PDIA2: variants seen among roughly 807,000 people sequenced by gnomAD.
The protein encoded by PDIA2 is protein disulfide-isomerase A2.
Under a neutral mutation model 51.1 loss-of-function variants are expected in PDIA2, and 76 were observed. The ratio of observed to expected loss-of-function variants is 1.49; its 90% CI spans 1.24 to 1.80. The LOEUF (loss-of-function observed/expected upper bound fraction) is 1.80, where lower values mean the gene tolerates loss of function less well. Among genes scored for constraint, PDIA2 ranks in the 40% most tolerant of loss-of-function variants. The probability of loss-of-function intolerance (pLI) is 0.00; values close to 1 mark genes in which losing one functional copy is unlikely to be tolerated. For missense variants in PDIA2, 946 were observed against 706.5 expected (o/e 1.34, Z -3.84); for synonymous variants, 429 against 309.9 (o/e 1.38, Z -4.04).
chr16:284,616 G>A, intron 2 of PDIA2, 23 bp downstream of exon 2: 1 of 1,607,492 alleles, frequency 6.2e-7, no homozygotes, highest in Non-Finnish European at 8.5e-7. Context: ...CCGGTCATTG[G>A]GGGGGCGGTG....
intron 10 of PDIA2, 45 bp downstream of exon 10, chr16:286,990 C>G: frequency 1.2e-6 from 2 of 1,611,354 alleles, no homozygotes; most frequent in Middle Eastern, 1.7e-4. Context: ...CACAAATCCT[C>G]TTTACACAGG....
At position 285,612 on chromosome 16, in the gene PDIA2, C is replaced by G; in HGVS notation, c.1028C>G (p.Thr343Ser). 6.2e-7 allele frequency: 1 copy of G among 1,613,386 alleles called. No individual in the cohort carries two copies. The highest frequency in any genetic ancestry group is 1.3e-5 in the African/African-American group (1 of 75,006). ...ACTCTGCGCTTGGTCAACCTTGAAA[C>G]CACTAAGAAGTATGCGCCTGTGGAT... ...APTLRLVNLE[T>S]TKKYAPVDGG... The change falls in exon 7 of 11, where the codon ACC becomes AGC. Residue 343 changes from threonine to serine, a missense_variant. Transcript: ENST00000219406.
rs1040675775 is a variant in PDIA2 at position 287,174 on chromosome 16, G to C, written c.*61G>C. 5.6e-6 allele frequency: 9 copies of C among 1,599,104 alleles called. No individual in the cohort carries two copies. Among genetic ancestry groups the C allele is most frequent in the Non-Finnish European group, 7.7e-6 (9 of 1,168,198 alleles). ...AGGAGCCACCCCCTTGGGTACCAGAGGGAGCTGTGCATTGTGAATAAAGAG... is the reference window on the plus strand; with the variant it reads ...AGGAGCCACCCCCTTGGGTACCAGACGGAGCTGTGCATTGTGAATAAAGAG... On this transcript the variant is annotated 3_prime_UTR_variant, in exon 11 of 11. Coordinates refer to ENST00000219406, the MANE Select transcript of PDIA2 (RefSeq NM_006849.4).
At chr16:285,983 T>TCCCAAC (rs1461820094) in intron 7 of PDIA2, among the ~76,000 whole-genome samples, 50 of 16,792 alleles carry the variant, frequency 3.0e-3, no homozygotes, top group African/African-American at 9.4e-3. Context: ...CCCGCGGTTC[T>TCCCAAC]CCCAACCCCG....
Position 286,863 on chromosome 16 carries a change from T to C in PDIA2, c.1451T>C (p.Leu484Pro), listed in dbSNP as rs753512209. ...KVIEYKSTRD[L>P]ETFSKFLDNG... The stretch of plus-strand genomic sequence containing the variant: ...ATTGAATACAAAAGCACCAGGGACC[T>C]GGAGACTTTCTCCAAGTTCCTGGAC... The change falls in exon 10 of 11, where the codon CTG (leucine) becomes CCG (proline). Residue 484 changes from leucine to proline, a missense_variant. Transcript: ENST00000219406. 6.2e-7 allele frequency: 1 copy of C among 1,608,576 alleles called. No individual in the cohort carries two copies. The highest frequency in any genetic ancestry group is 1.1e-5 in the South Asian group (1 of 90,576).
intron 1 of PDIA2, chr16:284,115 G>A (rs537582373): frequency 1.2e-4 from 66 of 528,594 alleles, no homozygotes; most frequent in Middle Eastern, 5.1e-4. Flanking sequence ...TGATATGCCC[G>A]CCTCTGCCTC....
rs557036404 is a variant in PDIA2 at position 285,707 on chromosome 16, C to T, written c.1119+4C>T. The T allele has an allele frequency of 7.1e-5, 115 of 1,612,100 alleles. 2 individuals carry two copies. Among genetic ancestry groups the T allele is most frequent in the South Asian group, 5.1e-4 (46 of 90,858 alleles). The stretch of plus-strand genomic sequence containing the variant: ...AGTCCTCAACGGCCAAGTCAAGGTC[C>T]GCTGCAGACTGCTCATAATGGAAGG... On this transcript the variant is annotated splice_donor_region_variant and intron_variant, in intron 7 of 10. Transcript: ENST00000219406.
chr16:284,323 C>G, intron 1 of PDIA2, 64 bp from the exon 2 acceptor site: 2 of 1,448,328 alleles, frequency 1.4e-6, no homozygotes, highest in Non-Finnish European at 1.9e-6. Flanking sequence ...GCTGGGTTGT[C>G]AGGTGTGGAG....
Position 285,451 on chromosome 16 carries a change from G to A in PDIA2, c.921+14G>A, listed in dbSNP as rs754891478. The A allele has an allele frequency of 1.4e-5, 23 of 1,610,808 alleles. No individual in the cohort carries two copies. In the Admixed American group the frequency reaches 2.5e-4, roughly 18 times the overall value. On this transcript the variant is annotated intron_variant, in intron 6 of 10. Transcript: ENST00000219406. ...TTCCGGGGGCAGGTACTGGGGGGCT[G>A]GGGGAAAGGGGCAGCGGGAGAGTGG...
chr16:286,895 G>A lies in PDIA2; in HGVS notation c.1483G>A (p.Gly495Ser). The change falls in exon 10 of 11, where the codon GGC (glycine) becomes AGC (serine). Residue 495 changes from glycine (G) to serine (S), a missense_variant. Physicochemically the swap from Gly to Ser is moderately conservative, Grantham distance 56 (BLOSUM62 0). Transcript: ENST00000219406. ...TTTCTCCAAGTTCCTGGACAACGGG[G>A]GCGTGCTGCCCACGGAGGAGCCCCC... ...ETFSKFLDNG[G>S]VLPTEEPPEE... 6.2e-7 allele frequency: 1 copy of A among 1,603,850 alleles called. No homozygotes were observed. The highest frequency in any genetic ancestry group is 8.5e-7 in the Non-Finnish European group (1 of 1,176,804).
rs760582003 is a variant in PDIA2, at chr16:287,121, C to T, written c.*8C>T. On this transcript the variant is annotated 3_prime_UTR_variant, in exon 11 of 11. Coordinates refer to ENST00000219406, the MANE Select transcript of PDIA2 (RefSeq NM_006849.4). ...TCCAAGGAGGAACTGTAGCTGCCCCCGTGTCACCCCCGCCATCACTGCTGG... is the reference window on the plus strand; with the variant it reads ...TCCAAGGAGGAACTGTAGCTGCCCCTGTGTCACCCCCGCCATCACTGCTGG... 27 of 1,612,616 alleles carry T rather than the reference C, an allele frequency of 1.7e-5. No individual in the cohort carries two copies. Among genetic ancestry groups the T allele is most frequent in the East Asian group, 6.7e-5 (3 of 44,906 alleles).
intron 1 of PDIA2, chr16:284,160 G>T (rs1398405336): frequency 6.7e-6 from 4 of 595,736 alleles, no homozygotes; most frequent in Admixed American, 2.9e-5. Flanking sequence ...GAGCCACTGA[G>T]CCTGGCTGTG....
Position 284,669 on chromosome 16 carries a change from C to A in PDIA2, c.417C>A (p.Asp139Glu). Residue 139 changes from aspartate to glutamate, a missense_variant, in exon 3 of 11, where the codon GAC (aspartate) becomes GAA (glutamate). Asp to Glu is a conservative substitution (Grantham distance 45). Coordinates refer to ENST00000219406, the MANE Select transcript of PDIA2 (RefSeq NM_006849.4). ...THPEEYTGPRDAEGIAEWLRR... is the reference protein window; with the variant it reads ...THPEEYTGPREAEGIAEWLRR... ...GGGGACTCCCTGCAGGACCACGGGA[C>A]GCTGAGGGCATTGCCGAGTGGCTGC... 1 of 1,593,632 alleles carries A rather than the reference C, an allele frequency of 6.3e-7. No individual in the cohort carries two copies. The highest frequency in any genetic ancestry group is 8.5e-7 in the Non-Finnish European group (1 of 1,175,134).
intron 7 of PDIA2, 21 bp from the exon 8 acceptor site, chr16:286,332 G>T: frequency 6.6e-7 from 1 of 1,505,072 alleles, no homozygotes; most frequent in South Asian, 1.1e-5. Context: ...CTGGCAAAGC[G>T]CCTGTCCTGG....
Position 287,128 on chromosome 16 carries a change from C to G in PDIA2, c.*15C>G. 6.2e-7 allele frequency: 1 copy of G among 1,612,656 alleles called. No individual in the cohort carries two copies. Among genetic ancestry groups the G allele is most frequent in the African/African-American group, 1.3e-5 (1 of 75,064 alleles). Reference sequence around the variant, plus strand: ...AGGAACTGTAGCTGCCCCCGTGTCACCCCCGCCATCACTGCTGGACAGGAG... The same window carrying G: ...AGGAACTGTAGCTGCCCCCGTGTCAGCCCCGCCATCACTGCTGGACAGGAG... On this transcript the variant is annotated 3_prime_UTR_variant, in exon 11 of 11. Transcript: ENST00000219406.
Position 287,154 on chromosome 16 carries a change from C to T in PDIA2, c.*41C>T. 6.2e-7 allele frequency: 1 copy of T among 1,610,508 alleles called. No individual in the cohort carries two copies. Among genetic ancestry groups the T allele is most frequent in the Non-Finnish European group, 8.5e-7 (1 of 1,178,172 alleles). ...CCCCGCCATCACTGCTGGACAGGAGCCACCCCCTTGGGTACCAGAGGGAGC... is the reference window on the plus strand; with the variant it reads ...CCCCGCCATCACTGCTGGACAGGAGTCACCCCCTTGGGTACCAGAGGGAGC... On this transcript the variant is annotated 3_prime_UTR_variant, in exon 11 of 11. Transcript: ENST00000219406.
chr16:285,740 T>C (rs371459895), intron 7 of PDIA2, 37 bp downstream of exon 7: 1 of 1,595,392 alleles, frequency 6.3e-7, no homozygotes. Context: ...AGGGGAACCC[T>C]GACCTCATCC....
chr16:283,979 C>T (rs1197064995), intron 1 of PDIA2, among the ~76,000 whole-genome samples: 3 of 152,232 alleles, frequency 2.0e-5, no homozygotes, highest in Non-Finnish European at 2.9e-5. Context: ...ATTCTCCTGC[C>T]TCAGCCTCCC....
intron 10 of PDIA2, 61 bp downstream of exon 10, chr16:287,006 C>T (rs959409195): frequency 1.3e-5 from 21 of 1,611,704 alleles, no homozygotes; most frequent in African/African-American, 5.3e-5. Flanking sequence ...ACAGGGCTGG[C>T]AGGGGCGGGG....
Sources: gnomAD v4.1 joint callset for allele counts (sites outside exome capture counted in the v4.1 genomes callset) on GRCh38, gnomAD v4.1.1 for gene constraint, MANE v1.5 for transcripts, NCBI Gene and HGNC (gene_info 2026-07-23, HGNC 2026-07-21) for gene names.